GRM1: variants seen among roughly 807,000 people sequenced by gnomAD.
GRM1 encodes the protein metabotropic glutamate receptor 1.
Under a neutral mutation model 90.9 loss-of-function variants are expected in GRM1, and 33 were observed. The ratio of observed to expected loss-of-function variants is 0.36; its 90% CI spans 0.28 to 0.49. GRM1 has a LOEUF of 0.49. GRM1 is among the 20% of genes least tolerant of loss of function. The pLI, the probability that GRM1 is intolerant of heterozygous loss-of-function variation, is 0.99. For missense variants in GRM1, 1,190 were observed against 1,534.3 expected (o/e 0.78, Z 3.75); for synonymous variants, 700 against 613.2 (o/e 1.14, Z -2.09).
At chr6:146,222,454 C>T (rs190881963) in intron 2 of GRM1, among the ~76,000 whole-genome samples, 1 of 152,034 alleles carries the variant, frequency 6.6e-6, no homozygotes, top group East Asian at 1.9e-4. Flanking sequence ...AGATCTGCTG[C>T]TGGAGACCCA....
intron 2 of GRM1, among the ~76,000 whole-genome samples, chr6:146,232,637 T>G (rs919000731): frequency 3.9e-5 from 6 of 152,024 alleles, no homozygotes; most frequent in African/African-American, 1.4e-4. Context: ...TTCTTCTAGT[T>G]TTTTGTACAC....
At chr6:146,162,436 C>A (rs1466796491) in intron 2 of GRM1, among the ~76,000 whole-genome samples, 1 of 152,178 alleles carries the variant, frequency 6.6e-6, no homozygotes, top group African/African-American at 2.4e-5. Flanking sequence ...AAAACATATT[C>A]AGATGTGGAC....
chr6:146,281,058 T>G (rs965888127), intron 2 of GRM1, among the ~76,000 whole-genome samples: 1 of 152,212 alleles, frequency 6.6e-6, no homozygotes, highest in African/African-American at 2.4e-5. Context: ...AGTTAAGAAC[T>G]GACTCAAATT....
rs1255096135 is a variant in GRM1 at position 146,281,030 on chromosome 6, A to T, written c.951-23581A>T. ...TACTAAGAAAGCTACTTTTTTGTTT[A>T]TAGGTAACTTACTGTCTAGTTAAGA... On this transcript the variant is annotated intron_variant, in intron 2 of 7. Transcript: ENST00000282753. 3.3e-5 allele frequency among the ~76,000 whole-genome samples: 5 copies of T among 152,096 alleles called. 1 individual carries two copies. Among genetic ancestry groups the T allele is most frequent in the Non-Finnish European group, 2.9e-5 (2 of 68,006 alleles).
chr6:146,199,649 A>C (rs962431175), intron 2 of GRM1, among the ~76,000 whole-genome samples: 6 of 151,200 alleles, frequency 4.0e-5, no homozygotes, highest in Non-Finnish European at 8.9e-5. Context: ...TAGAGGAGGT[A>C]TGGGGCAGTC....
At chr6:146,423,340 C>T (rs1424673225) in intron 7 of GRM1, among the ~76,000 whole-genome samples, 1 of 152,170 alleles carries the variant, frequency 6.6e-6, no homozygotes, top group African/African-American at 2.4e-5. Context: ...ATGGCTTGTC[C>T]TGTAACCTTT....
At chr6:146,330,407 T>G (rs1472301468) in intron 3 of GRM1, among the ~76,000 whole-genome samples, 1 of 152,176 alleles carries the variant, frequency 6.6e-6, no homozygotes, top group Non-Finnish European at 1.5e-5. Flanking sequence ...TACTGGGAAT[T>G]TTCCCACACT....
intron 2 of GRM1, among the ~76,000 whole-genome samples, chr6:146,262,634 T>C (rs1279843612): frequency 6.6e-6 from 1 of 151,964 alleles, no homozygotes; most frequent in Non-Finnish European, 1.5e-5. Context: ...TTTCTCTGTG[T>C]ATGTGTATGT....
At chr6:146,066,178 T>A (rs1775841007) in intron 1 of GRM1, among the ~76,000 whole-genome samples, 1 of 151,974 alleles carries the variant, frequency 6.6e-6, no homozygotes, top group South Asian at 2.1e-4. Context: ...GGTAAGAGAG[T>A]ATATTACCCA....
At chr6:146,130,817 C>T (rs1423066582) in intron 1 of GRM1, among the ~76,000 whole-genome samples, 1 of 152,144 alleles carries the variant, frequency 6.6e-6, no homozygotes, top group Non-Finnish European at 1.5e-5. Context: ...GCCCCCCTCT[C>T]AAGTTCCTTC....
At chr6:146,411,224 C>T (rs1049375575) in intron 7 of GRM1, among the ~76,000 whole-genome samples, 1 of 152,046 alleles carries the variant, frequency 6.6e-6, no homozygotes, top group Non-Finnish European at 1.5e-5. Context: ...GAAATATTTC[C>T]AGGAAGCATT....
At chr6:146,081,218 T>A (rs1320846167) in intron 1 of GRM1, among the ~76,000 whole-genome samples, 1 of 152,216 alleles carries the variant, frequency 6.6e-6, no homozygotes, top group Non-Finnish European at 1.5e-5. Context: ...GATAAAATGT[T>A]AACATTTGGG....
chr6:146,411,859 T>C (rs1777580785), intron 7 of GRM1, among the ~76,000 whole-genome samples: 1 of 152,080 alleles, frequency 6.6e-6, no homozygotes, highest in African/African-American at 2.4e-5. Context: ...AGAATAAATG[T>C]ATAAACATAC....
intron 2 of GRM1, among the ~76,000 whole-genome samples, chr6:146,238,182 G>C (rs999685522): frequency 2.0e-5 from 3 of 152,118 alleles, no homozygotes; most frequent in Admixed American, 6.6e-5. Context: ...TTCCAAGATT[G>C]TTTTCTATCA....
intron 3 of GRM1, among the ~76,000 whole-genome samples, chr6:146,336,098 T>C (rs1300510965): frequency 6.6e-6 from 1 of 152,164 alleles, no homozygotes; most frequent in Non-Finnish European, 1.5e-5. Flanking sequence ...TACCCAGTCT[T>C]GGGTATGTCT....
intron 2 of GRM1, among the ~76,000 whole-genome samples, chr6:146,270,228 T>G (rs1782063655): frequency 6.6e-6 from 1 of 152,104 alleles, no homozygotes; most frequent in South Asian, 2.1e-4. Context: ...AATTATTTCC[T>G]TAAAAAAAGA....
At chr6:146,150,736 A>C (rs1452656894) in intron 1 of GRM1, among the ~76,000 whole-genome samples, 2 of 152,040 alleles carry the variant, frequency 1.3e-5, no homozygotes. Context: ...GCCTCTTCTG[A>C]CCATCCTTCT....
intron 1 of GRM1, among the ~76,000 whole-genome samples, chr6:146,115,879 C>G (rs1197274580): frequency 2.0e-5 from 3 of 152,188 alleles, no homozygotes; most frequent in African/African-American, 7.2e-5. Flanking sequence ...CATTGATTTT[C>G]CTTTGATATT....
intron 2 of GRM1, among the ~76,000 whole-genome samples, chr6:146,272,373 T>A (rs554154467): frequency 1.3e-5 from 2 of 152,352 alleles, no homozygotes; most frequent in South Asian, 2.1e-4. Context: ...ACAAAGTTAT[T>A]TATGTTGTGG....
Sources: allele counts gnomAD v4.1 joint callset (sites outside exome capture counted in the v4.1 genomes callset), GRCh38; gene constraint gnomAD v4.1.1; transcripts MANE v1.5; gene names NCBI Gene and HGNC (gene_info 2026-07-23, HGNC 2026-07-21).